METAP2: variants seen among roughly 807,000 people sequenced by gnomAD.
METAP2 encodes methionine aminopeptidase 2.
Under a neutral mutation model 59.4 loss-of-function variants are expected in METAP2, and 25 were observed. That is an observed-to-expected ratio of 0.42 (90% CI 0.31 to 0.59). The LOEUF is 0.59. Ranked by LOEUF, METAP2 falls within the 20% of genes least tolerant of loss-of-function variation. The pLI is 0.16. For missense variants in METAP2, 366 were observed against 581.2 expected, an observed-to-expected ratio of 0.63 and a Z score of 3.81; for synonymous variants, 214 against 194.1, an observed-to-expected ratio of 1.10 and a Z score of -0.85.
At chr12:95,475,701 G>T (rs1244922317) in intron 1 of METAP2, among the ~76,000 whole-genome samples, 1 of 152,148 alleles carries the variant, frequency 6.6e-6, no homozygotes, top group Non-Finnish European at 1.5e-5. Context: ...GCCCCGGGGT[G>T]TTGCACATGA....
At chr12:95,479,153 T>A (rs1245898391) in intron 2 of METAP2, among the ~76,000 whole-genome samples, 1 of 152,112 alleles carries the variant, frequency 6.6e-6, no homozygotes, top group Non-Finnish European at 1.5e-5. Flanking sequence ...AGAGGAAGTG[T>A]GTAGGAAAGG....
At chr12:95,512,998 A>G in intron 10 of METAP2, 82 bp downstream of exon 10, 2 of 792,008 alleles carry the variant, frequency 2.5e-6, no homozygotes, top group Non-Finnish European at 4.2e-6. Context: ...TGTGGCATAC[A>G]TACAAAATAG....
At chr12:95,509,168 T>C (rs187555879) in intron 8 of METAP2, among the ~76,000 whole-genome samples, 1 of 152,352 alleles carries the variant, frequency 6.6e-6, no homozygotes, top group Admixed American at 6.5e-5. Flanking sequence ...CCCTCATTTT[T>C]CTGTGTAACT....
chr12:95,497,069 C>T (rs2076280956), intron 7 of METAP2, among the ~76,000 whole-genome samples: 1 of 152,116 alleles, frequency 6.6e-6, no homozygotes, highest in Admixed American at 6.5e-5. Context: ...AAGTGATCCT[C>T]CCGCCTTGGC....
At chr12:95,504,015 A>C in intron 7 of METAP2, 50 bp from the exon 8 acceptor site, 1 of 1,359,150 alleles carries the variant, frequency 7.4e-7, no homozygotes, top group Non-Finnish European at 1.0e-6. Flanking sequence ...TTAAGTTGCT[A>C]TGAAAATTTT....
At chr12:95,491,901 GC>G (rs1319385000) in intron 4 of METAP2, among the ~76,000 whole-genome samples, 1 of 151,974 alleles carries the variant, frequency 6.6e-6, no homozygotes, top group Non-Finnish European at 1.5e-5. Flanking sequence ...GACCTCTGGG[GC>G]TCAAGTGATC....
intron 3 of METAP2, 31 bp downstream of exon 3, chr12:95,483,311 T>C (rs369914152): frequency 2.5e-5 from 39 of 1,537,342 alleles, no homozygotes; most frequent in Non-Finnish European, 3.5e-5. Context: ...TTAATTGATA[T>C]ATTAGAAGTG....
At chr12:95,498,967 G>A (rs2076296087) in intron 7 of METAP2, among the ~76,000 whole-genome samples, 2 of 151,172 alleles carry the variant, frequency 1.3e-5, no homozygotes, top group Admixed American at 6.6e-5. Context: ...AGTGAGACAA[G>A]ATTACGCCAC....
intron 10 of METAP2, 41 bp from the exon 11 acceptor site, chr12:95,513,611 A>T (rs1294325155): frequency 2.5e-6 from 4 of 1,590,288 alleles, no homozygotes; most frequent in Admixed American, 1.7e-5. Flanking sequence ...TCAGTTCGTA[A>T]CTCTTTTGCC....
At chr12:95,509,501 A>C (rs2076385556) in intron 8 of METAP2, among the ~76,000 whole-genome samples, 2 of 152,228 alleles carry the variant, frequency 1.3e-5, no homozygotes, top group South Asian at 2.1e-4. Context: ...TTGGGCAGGC[A>C]GTTGTTGGGC....
chr12:95,489,474 T>G (rs1295859353), intron 4 of METAP2, among the ~76,000 whole-genome samples: 1 of 152,226 alleles, frequency 6.6e-6, no homozygotes, highest in Non-Finnish European at 1.5e-5. Context: ...GTTTGCTTTT[T>G]AATAAATCTC....
chr12:95,484,620 A>G (rs1391298406), intron 3 of METAP2, among the ~76,000 whole-genome samples: 1 of 152,032 alleles, frequency 6.6e-6, no homozygotes, highest in Non-Finnish European at 1.5e-5. Context: ...CTTCTGACAG[A>G]TGTTTTAAGT....
intron 2 of METAP2, among the ~76,000 whole-genome samples, chr12:95,476,528 A>AAGAGAGAGAGAGAGAGAGAGAGAG: frequency 6.6e-6 from 1 of 151,822 alleles, no homozygotes; most frequent in Non-Finnish European, 1.5e-5. Context: ...GAAAGAAAGA[A>AAGAGAGAGAGAGAGAGAGAGAGAG]AGAAAGAAAG....
At chr12:95,506,841 T>TA (rs1273715502) in intron 8 of METAP2, among the ~76,000 whole-genome samples, 1 of 143,092 alleles carries the variant, frequency 7.0e-6, no homozygotes, top group Non-Finnish European at 1.5e-5. Context: ...GACAGAGTCT[T>TA]ACTCGTTCTG....
intron 7 of METAP2, 128 bp from the exon 8 acceptor site, chr12:95,503,937 T>C (rs748578642): frequency 1.5e-6 from 1 of 663,796 alleles, no homozygotes; most frequent in Non-Finnish European, 2.6e-6. Flanking sequence ...TGCAAAGTAT[T>C]TTAAACAGGA....
chr12:95,501,543 C>T (rs867851392), intron 7 of METAP2, among the ~76,000 whole-genome samples: 3 of 151,986 alleles, frequency 2.0e-5, no homozygotes, highest in Non-Finnish European at 4.4e-5. Context: ...GGTGAAACCC[C>T]GTCTCTACTA....
intron 2 of METAP2, among the ~76,000 whole-genome samples, chr12:95,478,686 A>G (rs2076138261): frequency 6.6e-6 from 1 of 152,144 alleles, no homozygotes; most frequent in Non-Finnish European, 1.5e-5. Context: ...GACAAAACCT[A>G]GAAGTGAAAA....
At chr12:95,491,950 A>T (rs1480183019) in intron 4 of METAP2, among the ~76,000 whole-genome samples, 2 of 151,858 alleles carry the variant, frequency 1.3e-5, no homozygotes, top group African/African-American at 4.8e-5. Flanking sequence ...GACTACAGGC[A>T]TGTACCACCT....
chr12:95,496,424 G>A (rs1018919475), intron 7 of METAP2, among the ~76,000 whole-genome samples: 1 of 151,922 alleles, frequency 6.6e-6, no homozygotes, highest in Non-Finnish European at 1.5e-5. Flanking sequence ...TAATAAAATT[G>A]AGCAGAAAGT....
Sources: gnomAD v4.1 joint callset for allele counts (sites outside exome capture counted in the v4.1 genomes callset) on GRCh38, gnomAD v4.1.1 for gene constraint, MANE v1.5 for transcripts, NCBI Gene and HGNC (gene_info 2026-07-23, HGNC 2026-07-21) for gene names.